Variants in POF1B observed in about 807,000 individuals in gnomAD.
POF1B encodes POF1B actin binding protein, also known as protein POF1B.
POF1B carries 53 observed loss-of-function variants against 55.3 expected under a neutral mutation model. That is an observed-to-expected ratio of 0.96 (90% CI 0.77 to 1.20). The LOEUF (loss-of-function observed/expected upper bound fraction) is 1.20. Among genes scored for constraint, POF1B ranks in the 50% most tolerant of loss-of-function variants. The probability of loss-of-function intolerance (pLI) is 0.00; values close to 1 mark genes in which losing one functional copy is unlikely to be tolerated. For missense variants in POF1B, 478 were observed against 420.5 expected, an observed-to-expected ratio of 1.14 and a Z score of -1.20; for synonymous variants, 188 against 148.3, an observed-to-expected ratio of 1.27 and a Z score of -1.95.
In POF1B at chrX:85,345,217, A is replaced by G. The variant is rs191092665; in HGVS notation, c.723+643T>C. ...TATTAGTTTTACCAACATACAAGAA[A>G]ATCTTTTTTCCTTCAACACTTGTAT... is the stretch of plus-strand genomic sequence containing the variant. On this transcript the variant is annotated intron_variant, in intron 6 of 16. Transcript: ENST00000262753. 5.2e-3 allele frequency among the ~76,000 whole-genome samples: 578 copies of G among 111,113 alleles called. 5 individuals carry two copies. Among genetic ancestry groups the G allele is most frequent in the Non-Finnish European group, 9.3e-3 (490 of 52,759 alleles).
Position 85,306,207 on chromosome X carries a change from G to T in POF1B, c.1291C>A (p.Gln431Lys). Residue 431 changes from glutamine (Q) to lysine (K), a missense_variant, in exon 12 of 17, where the codon CAA becomes AAA. Physicochemically the swap from Gln to Lys is moderately conservative, Grantham distance 53. Coordinates refer to ENST00000262753, the MANE Select transcript of POF1B (RefSeq NM_024921.4). ...ELEYCKRNLE[Q>K]ENQNLRMQVS... The stretch of plus-strand genomic sequence containing the variant: ...TGCATTCTAAGGTTTTGATTCTCTT[G>T]CTCTAAATTACGTTTACAATATTCC... The T allele has an allele frequency of 8.3e-6, 10 of 1,202,405 alleles. No individual in the cohort carries two copies. The highest frequency in any genetic ancestry group is 1.1e-5 in the Non-Finnish European group (10 of 888,689).
chrX:85,379,132 T>C (rs1430922380), intron 2 of POF1B, 41 bp downstream of exon 2: 1 of 1,172,643 alleles, frequency 8.5e-7, no homozygotes, highest in Non-Finnish European at 1.2e-6. Context: ...GGTTGAAGAT[T>C]GCCTTTCTCC....
intron 7 of POF1B, among the ~76,000 whole-genome samples, chrX:85,325,816 A>G (rs985841004): frequency 5.4e-5 from 6 of 111,299 alleles, no homozygotes; most frequent in Non-Finnish European, 9.4e-5. Context: ...ATGTTCCTTC[A>G]ATCTTTGAAG....
At chrX:85,373,847 G>A (rs139932876) in intron 2 of POF1B, among the ~76,000 whole-genome samples, 17 of 111,195 alleles carry the variant, frequency 1.5e-4, no homozygotes, top group African/African-American at 4.9e-4. Context: ...GTGAGGGTGA[G>A]GAGCAGGAGC....
At chrX:85,323,621 TA>T (rs201807475) in intron 7 of POF1B, among the ~76,000 whole-genome samples, 10,705 of 108,254 alleles carry the variant, frequency 0.099, 539 homozygotes, top group South Asian at 0.16. Flanking sequence ...AATAAAAAAA[TA>T]AAAAAAAATG....
chrX:85,330,860 C>A (rs922244228), intron 7 of POF1B, 89 bp downstream of exon 7: 2 of 913,009 alleles, frequency 2.2e-6, no homozygotes, highest in African/African-American at 2.0e-5. Flanking sequence ...TTGCTGTGAA[C>A]CTAAAACTGA....
intron 3 of POF1B, among the ~76,000 whole-genome samples, chrX:85,361,990 ATGTG>A (rs913210083): frequency 1.2e-5 from 1 of 84,865 alleles, no homozygotes; most frequent in African/African-American, 4.6e-5. Flanking sequence ...GTGTGTGTGT[ATGTG>A]TGTGTGTGGC....
intron 6 of POF1B, among the ~76,000 whole-genome samples, chrX:85,342,573 T>G (rs1028624577): frequency 9.0e-6 from 1 of 111,454 alleles, no homozygotes; most frequent in Non-Finnish European, 1.9e-5. Context: ...GAAACTGAGG[T>G]TCCGTCCAGC....
rs1261392455 is a variant in POF1B, at chrX:85,277,552, T to G, written c.*1869A>C. ...CTAACTACATAGTTTTTGTACACATTAAGCATCCCCAGTTCCCCTCGCACA... is the reference window on the plus strand; with the variant it reads ...CTAACTACATAGTTTTTGTACACATGAAGCATCCCCAGTTCCCCTCGCACA... On this transcript the variant is annotated 3_prime_UTR_variant, in exon 17 of 17. Transcript: ENST00000262753. 9.0e-6 allele frequency: 1 copy of G among 110,761 alleles called. No individual in the cohort carries two copies. Among genetic ancestry groups the G allele is most frequent in the Admixed American group, 9.7e-5 (1 of 10,355 alleles). 9.1% of individuals were successfully genotyped at this position (110,761 alleles called of 1,213,427 possible). A position where few individuals can be genotyped will look rare whatever the true frequency, so the allele number is the denominator to read the frequency against.
intron 7 of POF1B, among the ~76,000 whole-genome samples, chrX:85,325,673 T>C (rs757146978): frequency 1.8e-5 from 2 of 111,841 alleles, no homozygotes; most frequent in East Asian, 2.8e-4. Context: ...TCTATTTCTG[T>C]CATTTCAGCC....
intron 3 of POF1B, among the ~76,000 whole-genome samples, chrX:85,361,151 A>G (rs1049575123): frequency 1.8e-5 from 2 of 111,821 alleles, no homozygotes; most frequent in Non-Finnish European, 1.9e-5. Context: ...GTAGTTGACA[A>G]ATATTTTATC....
At chrX:85,336,573 T>C (rs977837727) in intron 6 of POF1B, among the ~76,000 whole-genome samples, 3 of 111,446 alleles carry the variant, frequency 2.7e-5, no homozygotes, top group African/African-American at 9.8e-5. Context: ...GTTGAGCACA[T>C]TTTTACACCT....
intron 9 of POF1B, among the ~76,000 whole-genome samples, chrX:85,308,739 A>G (rs1386268101): frequency 2.7e-5 from 3 of 111,247 alleles, no homozygotes; most frequent in Non-Finnish European, 5.7e-5. Flanking sequence ...GTGTAGTGGC[A>G]TGATCTCAGT....
chrX:85,309,209 T>C (rs1932642038), intron 9 of POF1B, among the ~76,000 whole-genome samples: 1 of 109,528 alleles, frequency 9.1e-6, no homozygotes. Flanking sequence ...TTACATAGAG[T>C]GTACACCAAG....
intron 4 of POF1B, among the ~76,000 whole-genome samples, chrX:85,357,292 C>A (rs1466933577): frequency 1.8e-5 from 2 of 111,113 alleles, no homozygotes; most frequent in Non-Finnish European, 3.8e-5. Flanking sequence ...AATATTATCC[C>A]ATTTGTCTCC....
chrX:85,311,535 A>T (rs1344793501), intron 9 of POF1B, among the ~76,000 whole-genome samples: 5 of 111,293 alleles, frequency 4.5e-5, no homozygotes, highest in Non-Finnish European at 9.4e-5. Flanking sequence ...CATCCTTTTT[A>T]ATGGCTGCAT....
chrX:85,363,222 AT>A (rs953389384), intron 3 of POF1B, among the ~76,000 whole-genome samples: 4 of 108,277 alleles, frequency 3.7e-5, no homozygotes, highest in South Asian at 3.9e-4. Context: ...GATCTTTTGA[AT>A]TTTTTTTTGC....
At chrX:85,360,017 G>A (rs1380192955) in intron 3 of POF1B, among the ~76,000 whole-genome samples, 1 of 110,730 alleles carries the variant, frequency 9.0e-6, no homozygotes, top group Non-Finnish European at 1.9e-5. Flanking sequence ...AGAAAAACGT[G>A]TATGTGTGTG....
At position 85,277,833 on chromosome X, in the gene POF1B, T is replaced by C. The variant is rs1396334170; in HGVS notation, c.*1588A>G. ...TTAAACCTTAATAATAACAATTTCC[T>C]ACTAAGCTAATAAAACTTCCCCTTA... is the stretch of plus-strand genomic sequence containing the variant. On this transcript the variant is annotated 3_prime_UTR_variant, in exon 17 of 17. Transcript: ENST00000262753. 1.8e-5 allele frequency: 2 copies of C among 111,093 alleles called. No homozygotes were observed. The highest frequency in any genetic ancestry group is 6.5e-5 in the African/African-American group (2 of 30,686). 9.2% of individuals were successfully genotyped at this position (111,093 alleles called of 1,213,427 possible).
Sources: allele counts gnomAD v4.1 joint callset (sites outside exome capture counted in the v4.1 genomes callset), GRCh38; gene constraint gnomAD v4.1.1; transcripts MANE v1.5; gene names NCBI Gene and HGNC (gene_info 2026-07-23, HGNC 2026-07-21).